Variants in KDM4C observed in about 807,000 individuals in gnomAD.
KDM4C encodes the protein lysine demethylase 4C.
KDM4C carries 81 observed loss-of-function variants against 129.3 expected under a neutral mutation model. The observed-to-expected ratio is 0.63, with a 90% CI of 0.52 to 0.75. KDM4C has a LOEUF of 0.75. Ranked by LOEUF, KDM4C falls within the 30% of genes least tolerant of loss-of-function variation. The pLI is 0.00. For missense variants in KDM4C, 1,457 were observed against 1,304.0 expected, an observed-to-expected ratio of 1.12 and a Z score of -1.81; for synonymous variants, 573 against 456.1, an observed-to-expected ratio of 1.26 and a Z score of -3.26.
chr9:7,169,159 C>G (rs1320821980), intron 20 of KDM4C, among the ~76,000 whole-genome samples: 3 of 151,920 alleles, frequency 2.0e-5, no homozygotes, highest in Non-Finnish European at 4.4e-5. Context: ...TGCTGACAGA[C>G]CCAACCCATT....
At chr9:6,976,326 A>G (rs1023136429) in intron 8 of KDM4C, among the ~76,000 whole-genome samples, 1 of 152,218 alleles carries the variant, frequency 6.6e-6, no homozygotes, top group African/African-American at 2.4e-5. Flanking sequence ...TCATAATACA[A>G]GTTAGAAATA....
chr9:6,756,639 C>T (rs962730785), upstream of KDM4C, among the ~76,000 whole-genome samples: 10 of 152,202 alleles, frequency 6.6e-5, no homozygotes, highest in Admixed American at 2.0e-4. Flanking sequence ...ATCTCTCGAA[C>T]CCGTGAGGCG....
At chr9:6,985,333 C>T (rs1177146688) in intron 10 of KDM4C, among the ~76,000 whole-genome samples, 1 of 152,230 alleles carries the variant, frequency 6.6e-6, no homozygotes, top group Non-Finnish European at 1.5e-5. Flanking sequence ...GCTGCTACTC[C>T]AGCCTCATTG....
At chr9:6,743,192 CTCTTG>C (rs1007075937) in intron 1 of KDM4C, among the ~76,000 whole-genome samples, 4 of 152,112 alleles carry the variant, frequency 2.6e-5, no homozygotes, top group Non-Finnish European at 4.4e-5. Context: ...TCAATCAATC[CTCTTG>C]TCTTAAGTAG....
chr9:7,091,782 G>C (rs948863791), intron 17 of KDM4C, among the ~76,000 whole-genome samples: 1 of 152,084 alleles, frequency 6.6e-6, no homozygotes, highest in Non-Finnish European at 1.5e-5. Context: ...ATCAGCCTGC[G>C]ACTGGGAAGA....
intron 18 of KDM4C, 199 bp from the exon 19 acceptor site, chr9:7,127,867 A>G (rs1840185453): frequency 4.2e-6 from 2 of 476,176 alleles, no homozygotes; most frequent in South Asian, 3.5e-5. Flanking sequence ...GTTAGTATAA[A>G]CAAGTAGTGT....
At position 6,985,372 on chromosome 9, in the gene KDM4C, A is replaced by G. The variant is rs1817507505; in HGVS notation, c.1354+968A>G. 2.6e-5 allele frequency among the ~76,000 whole-genome samples: 4 copies of G among 152,364 alleles called. No homozygotes were observed. In the South Asian group the frequency reaches 8.3e-4, roughly 32 times the overall value. On this transcript the variant is annotated intron_variant, in intron 10 of 21. Transcript: ENST00000381309. ...TTGCTCTTGAAATAGCTGTGTGGAT[A>G]GAGTTTAAACCACAGAACTTTTAAA...
At chr9:6,878,342 G>C (rs1212886770) in intron 5 of KDM4C, among the ~76,000 whole-genome samples, 1 of 152,170 alleles carries the variant, frequency 6.6e-6, no homozygotes, top group East Asian at 1.9e-4. Flanking sequence ...TATAGAATTT[G>C]AAAAGAAATT....
At chr9:7,009,902 C>T (rs1030451320) in intron 12 of KDM4C, among the ~76,000 whole-genome samples, 5 of 151,984 alleles carry the variant, frequency 3.3e-5, no homozygotes, top group African/African-American at 1.2e-4. Flanking sequence ...AAAAAACTCA[C>T]AAATGAATCA....
intron 1 of KDM4C, among the ~76,000 whole-genome samples, chr9:6,768,382 T>C (rs1821073467): frequency 6.6e-6 from 1 of 152,080 alleles, no homozygotes; most frequent in African/African-American, 2.4e-5. Context: ...TTTAGGGAAT[T>C]TTAGAGATAT....
chr9:7,170,090 T>C (rs932615233), intron 21 of KDM4C, 200 bp downstream of exon 21: 3 of 1,473,548 alleles, frequency 2.0e-6, no homozygotes, highest in Admixed American at 2.2e-5. Context: ...GCATGTGCTT[T>C]ACTTTTCTTC....
intron 15 of KDM4C, among the ~76,000 whole-genome samples, chr9:7,040,545 T>G (rs1010206924): frequency 1.3e-5 from 2 of 152,070 alleles, no homozygotes; most frequent in African/African-American, 4.8e-5. Flanking sequence ...TCTGAAGAAC[T>G]TTATTTTGGC....
At chr9:6,800,739 A>G (rs1485126305) in intron 2 of KDM4C, among the ~76,000 whole-genome samples, 2 of 151,854 alleles carry the variant, frequency 1.3e-5, no homozygotes, top group Admixed American at 6.6e-5. Flanking sequence ...CAGTCGCCCC[A>G]CCTCAGCCTC....
intron 20 of KDM4C, among the ~76,000 whole-genome samples, chr9:7,168,226 T>G (rs1844605984): frequency 6.6e-6 from 1 of 152,080 alleles, no homozygotes; most frequent in Admixed American, 6.5e-5. Flanking sequence ...TTAGTGTAAA[T>G]TTTTTTCAAA....
intron 5 of KDM4C, among the ~76,000 whole-genome samples, chr9:6,852,614 G>A (rs372134407): frequency 1.3e-4 from 20 of 152,256 alleles, no homozygotes; most frequent in African/African-American, 4.8e-4. Context: ...TTCAGTATGG[G>A]ATGGTTGCCT....
intron 19 of KDM4C, 151 bp from the exon 20 acceptor site, chr9:7,165,087 T>C (rs1844235258): frequency 2.3e-6 from 2 of 856,028 alleles, no homozygotes; most frequent in Non-Finnish European, 3.5e-6. Context: ...TTGGCTCATA[T>C]CTCTTCCCCT....
intron 11 of KDM4C, among the ~76,000 whole-genome samples, chr9:6,988,110 C>G (rs1441587547): frequency 1.4e-5 from 2 of 142,696 alleles, no homozygotes; most frequent in African/African-American, 2.6e-5. Context: ...AGCTGTGATC[C>G]CACCACTGCA....
At chr9:7,111,339 T>C (rs1446854570) in intron 18 of KDM4C, among the ~76,000 whole-genome samples, 1 of 152,186 alleles carries the variant, frequency 6.6e-6, no homozygotes, top group Non-Finnish European at 1.5e-5. Context: ...GAATTCACAA[T>C]TTAAGATTTG....
At chr9:7,025,496 T>C (rs1185096861) in intron 15 of KDM4C, among the ~76,000 whole-genome samples, 1 of 152,236 alleles carries the variant, frequency 6.6e-6, no homozygotes, top group Non-Finnish European at 1.5e-5. Flanking sequence ...TTTAATTTCT[T>C]CCTTTTTATT....
Sources: gnomAD v4.1 joint callset for allele counts (sites outside exome capture counted in the v4.1 genomes callset) on GRCh38, gnomAD v4.1.1 for gene constraint, MANE v1.5 for transcripts, NCBI Gene and HGNC (gene_info 2026-07-23, HGNC 2026-07-21) for gene names.